The following NECTIN3 variants were observed in gnomAD, a reference collection of about 807,000 sequenced individuals.
NECTIN3 encodes the protein nectin-3.
A neutral mutation model predicts 49.4 loss-of-function variants in NECTIN3; 8 were observed. The ratio of observed to expected loss-of-function variants is 0.16; its 90% confidence interval spans 0.10 to 0.29. The LOEUF is 0.29. Among genes scored for constraint, NECTIN3 ranks in the 10% least tolerant of loss-of-function variants. The pLI, the probability that NECTIN3 is intolerant of heterozygous loss-of-function variation, is 1.00. For synonymous variants in NECTIN3, 277 were observed against 241.1 expected (o/e 1.15, Z -1.38); for missense variants, 581 against 654.6 (o/e 0.89, Z 1.23).
intron 7 of NECTIN3, among the ~76,000 whole-genome samples, chr3:111,186,180 G>T (rs2035715803): frequency 6.6e-6 from 1 of 151,874 alleles, no homozygotes; most frequent in South Asian, 2.1e-4. Context: ...GCTTGAATTG[G>T]GAAGGAATTA....
In NECTIN3 at chr3:111,101,489, C is replaced by T. The variant is rs575356655; in HGVS notation, c.161-10541C>T. Among the ~76,000 whole-genome samples the T allele has an allele frequency of 1.1e-4, 17 of 152,126 alleles. 1 individual carries two copies. Among genetic ancestry groups the T allele is most frequent in the South Asian group, 8.3e-4 (4 of 4,826 alleles). The stretch of plus-strand genomic sequence containing the variant: ...GGTTACGTGTAAGTTATTATAGAAA[C>T]GTAAACTTTTAAAAATTATTTGAAG... On this transcript the variant is annotated intron_variant, in intron 1 of 5. Coordinates refer to ENST00000485303, the MANE Select transcript of NECTIN3 (RefSeq NM_015480.3).
At chr3:111,155,765 A>G (rs2035084296) in intron 7 of NECTIN3, among the ~76,000 whole-genome samples, 1 of 152,182 alleles carries the variant, frequency 6.6e-6, no homozygotes, top group South Asian at 2.1e-4. Context: ...TTGAGAGAAT[A>G]AAAATTAGGC....
intron 7 of NECTIN3, among the ~76,000 whole-genome samples, chr3:111,153,499 T>C (rs1164799928): frequency 6.6e-6 from 1 of 151,986 alleles, no homozygotes; most frequent in Non-Finnish European, 1.5e-5. Context: ...AAGATAAGCT[T>C]GTTTTATAAT....
chr3:111,127,577 T>G (rs1406691176), intron 5 of NECTIN3, among the ~76,000 whole-genome samples: 1 of 151,966 alleles, frequency 6.6e-6, no homozygotes, highest in African/African-American at 2.4e-5. Context: ...TTTTTTTTCT[T>G]TTGAGACGTG....
rs2034608185 is a variant in NECTIN3 at position 111,137,163 on chromosome 3, G to T, written c.*2948G>T. 1 of 952,070 alleles carries T rather than the reference G, an allele frequency of 1.1e-6. No individual in the cohort carries two copies. The highest frequency in any genetic ancestry group is 1.3e-6 in the Non-Finnish European group (1 of 799,866). 59.0% of individuals were successfully genotyped at this position (952,070 alleles called of 1,614,324 possible). A position where few individuals can be genotyped will look rare whatever the true frequency, so the allele number is the denominator to read the frequency against. On this transcript the variant is annotated 3_prime_UTR_variant, in exon 6 of 6. Coordinates refer to ENST00000485303, the MANE Select transcript of NECTIN3 (RefSeq NM_015480.3). ...GTGAAAACATCTGATTTGAGTTTTT[G>T]ATAAATACTGCTAAAACACAGTATA...
chr3:111,168,410 A>T (rs1373306841), intron 7 of NECTIN3, among the ~76,000 whole-genome samples: 1 of 152,096 alleles, frequency 6.6e-6, no homozygotes, highest in East Asian at 1.9e-4. Context: ...ACATACACAG[A>T]CTTTCTACCC....
At chr3:111,132,977 A>G (rs1294968986) in intron 5 of NECTIN3, among the ~76,000 whole-genome samples, 1 of 151,796 alleles carries the variant, frequency 6.6e-6, no homozygotes, top group Non-Finnish European at 1.5e-5. Context: ...TTTTTAAATT[A>G]CTAAATAATA....
At chr3:111,193,716 C>T (rs2035856001) in intron 1 of NECTIN3, among the ~76,000 whole-genome samples, 1 of 152,142 alleles carries the variant, frequency 6.6e-6, no homozygotes. Flanking sequence ...AGAAAGGCCC[C>T]AGCTGATACT....
chr3:111,096,917 G>A (rs879222465), intron 1 of NECTIN3, among the ~76,000 whole-genome samples: 1 of 152,172 alleles, frequency 6.6e-6, no homozygotes, highest in Non-Finnish European at 1.5e-5. Context: ...AGGGAAATGT[G>A]GGGTGGGATC....
At chr3:111,152,391 A>G (rs2035018106) in intron 7 of NECTIN3, among the ~76,000 whole-genome samples, 1 of 151,888 alleles carries the variant, frequency 6.6e-6, no homozygotes, top group Admixed American at 6.6e-5. Flanking sequence ...CAACCTCACC[A>G]ATAGTATGTA....
At chr3:111,155,557 T>G (rs181540635) in intron 7 of NECTIN3, among the ~76,000 whole-genome samples, 44 of 152,342 alleles carry the variant, frequency 2.9e-4, no homozygotes, top group Admixed American at 2.6e-4. Context: ...GCTGAACTAT[T>G]ATAAATGTTT....
intron 1 of NECTIN3, among the ~76,000 whole-genome samples, chr3:111,110,017 T>C (rs1263366279): frequency 2.0e-5 from 3 of 152,082 alleles, no homozygotes; most frequent in Non-Finnish European, 2.9e-5. Context: ...TGTAAAGATA[T>C]CACCCTTTGT....
downstream of NECTIN3, among the ~76,000 whole-genome samples, chr3:111,138,635 A>G (rs1222578281): frequency 1.3e-5 from 2 of 151,646 alleles, no homozygotes; most frequent in African/African-American, 4.8e-5. Flanking sequence ...TTAGAAGGAT[A>G]AAACATGATT....
At chr3:111,080,200 G>A (rs759163048) in intron 1 of NECTIN3, among the ~76,000 whole-genome samples, 27 of 152,036 alleles carry the variant, frequency 1.8e-4, no homozygotes, top group Non-Finnish European at 2.5e-4. Context: ...TTTTCAATGA[G>A]GAAAGATTTT....
intron 5 of NECTIN3, among the ~76,000 whole-genome samples, chr3:111,128,761 T>TCTA (rs1415335609): frequency 6.6e-6 from 1 of 152,194 alleles, no homozygotes; most frequent in Non-Finnish European, 1.5e-5. Flanking sequence ...CTTCAACTCT[T>TCTA]CTACTACTAC....
In NECTIN3 at chr3:111,077,153, T is replaced by C. The variant is rs1027248656; in HGVS notation, c.160+4976T>C. On this transcript the variant is annotated intron_variant, in intron 1 of 5. Coordinates refer to ENST00000485303, the MANE Select transcript of NECTIN3 (RefSeq NM_015480.3). ...GTTATTTTAGAAAGGATATTATATATTTATATTTTGAATTTTACTTGTTTT... is the reference window on the plus strand; with the variant it reads ...GTTATTTTAGAAAGGATATTATATACTTATATTTTGAATTTTACTTGTTTT... 2.8e-5 allele frequency: 12 copies of C among 426,890 alleles called. 1 individual carries two copies. The highest frequency in any genetic ancestry group is 7.1e-5 in the East Asian group (1 of 14,110). 26.4% of individuals were successfully genotyped at this position (426,890 alleles called of 1,614,324 possible).
At chr3:111,080,846 A>G (rs1216562737) in intron 1 of NECTIN3, among the ~76,000 whole-genome samples, 2 of 152,190 alleles carry the variant, frequency 1.3e-5, no homozygotes, top group African/African-American at 2.4e-5. Flanking sequence ...TTATATATCA[A>G]ATGACATTTG....
intron 1 of NECTIN3, among the ~76,000 whole-genome samples, chr3:111,098,345 G>C: frequency 6.6e-6 from 1 of 152,188 alleles, no homozygotes; most frequent in South Asian, 2.1e-4. Flanking sequence ...TTCTCACACA[G>C]TTCTGGAGCG....
chr3:111,116,203 CAGAG>C (rs371613271), intron 2 of NECTIN3, among the ~76,000 whole-genome samples: 14 of 152,040 alleles, frequency 9.2e-5, no homozygotes, highest in South Asian at 4.2e-4. Flanking sequence ...GAAGAGCTCT[CAGAG>C]AGAGTTATAA....
Sources: allele counts gnomAD v4.1 joint callset (sites outside exome capture counted in the v4.1 genomes callset), GRCh38; gene constraint gnomAD v4.1.1; transcripts MANE v1.5; gene names NCBI Gene and HGNC (gene_info 2026-07-23, HGNC 2026-07-21).